The following AK5 variants were observed in gnomAD, a reference collection of about 807,000 sequenced individuals.
AK5 encodes adenylate kinase isoenzyme 5.
Under a neutral mutation model 69.5 loss-of-function variants are expected in AK5, and 27 were observed. The ratio of observed to expected loss-of-function variants is 0.39; its 90% CI spans 0.29 to 0.54. The LOEUF (loss-of-function observed/expected upper bound fraction) is 0.54. Among genes scored for constraint, AK5 ranks in the 20% least tolerant of loss-of-function variants. The pLI is 0.71. For synonymous variants in AK5, 260 were observed against 244.4 expected (o/e 1.06, Z -0.60); for missense variants, 531 against 700.4 (o/e 0.76, Z 2.73).
At chr1:77,555,037 T>C (rs1660029682) in intron 13 of AK5, among the ~76,000 whole-genome samples, 1 of 152,068 alleles carries the variant, frequency 6.6e-6, no homozygotes, top group South Asian at 2.1e-4. Flanking sequence ...TCCCAGCACT[T>C]TGGGAGGCTG....
intron 6 of AK5, among the ~76,000 whole-genome samples, chr1:77,366,677 A>G (rs889618564): frequency 1.3e-5 from 2 of 152,294 alleles, no homozygotes; most frequent in African/African-American, 4.8e-5. Context: ...TCTCCTCTGG[A>G]TGAATGTGTG....
rs1049579687 is a variant in AK5 at position 77,495,709 on chromosome 1, G to T, written c.1147+9357G>T. 5.3e-5 allele frequency among the ~76,000 whole-genome samples: 8 copies of T among 152,282 alleles called. No individual in the cohort carries two copies. In the South Asian group the frequency reaches 8.3e-4, roughly 16 times the overall value. On this transcript the variant is annotated intron_variant, in intron 10 of 13. Coordinates refer to ENST00000354567, the MANE Select transcript of AK5 (RefSeq NM_174858.3). ...TGTTTGAGCGTGTGATGCTGAGTGG[G>T]TCTGAGGGAACCTGGTCATGCTGAG...
rs1474976923 is a variant in AK5 at position 77,410,296 on chromosome 1, G to A, written c.892-685G>A. On this transcript the variant is annotated intron_variant, in intron 6 of 13. Transcript: ENST00000354567. ...TTTGTTGTTGTTGTTGTTGTTTTTG[G>A]AGACAGAGTCTCAGTCTGTCCCCCA... is the stretch of plus-strand genomic sequence containing the variant. Among the ~76,000 whole-genome samples, 5 of 151,612 alleles carry A rather than the reference G, an allele frequency of 3.3e-5. No individual in the cohort carries two copies. The South Asian group carries it at 1.0e-3, about 32-fold the overall frequency.
intron 11 of AK5, among the ~76,000 whole-genome samples, chr1:77,519,852 A>G (rs1657884287): frequency 6.6e-6 from 1 of 152,188 alleles, no homozygotes; most frequent in African/African-American, 2.4e-5. Context: ...CTGCTTTATC[A>G]GCAAGGTCTT....
At chr1:77,398,496 A>C (rs1241621913) in intron 6 of AK5, among the ~76,000 whole-genome samples, 1 of 152,062 alleles carries the variant, frequency 6.6e-6, no homozygotes, top group East Asian at 1.9e-4. Context: ...CAAAGCCTCA[A>C]ATTGCTGGAA....
chr1:77,315,901 T>C (rs1465217182), intron 5 of AK5, among the ~76,000 whole-genome samples: 2 of 151,460 alleles, frequency 1.3e-5, no homozygotes, highest in Admixed American at 1.3e-4. Context: ...GAATCAAACA[T>C]GTCTGATACC....
At chr1:77,306,670 A>G (rs1450463572) in intron 5 of AK5, among the ~76,000 whole-genome samples, 1 of 151,832 alleles carries the variant, frequency 6.6e-6, no homozygotes, top group Non-Finnish European at 1.5e-5. Flanking sequence ...TTTGAATATG[A>G]TTGGTAGTAG....
intron 13 of AK5, among the ~76,000 whole-genome samples, chr1:77,541,843 C>T (rs1659290661): frequency 6.6e-6 from 1 of 152,186 alleles, no homozygotes; most frequent in African/African-American, 2.4e-5. Flanking sequence ...CTCCAGATTC[C>T]TGAGAGAAAT....
At chr1:77,548,463 T>A (rs1173829223) in intron 13 of AK5, among the ~76,000 whole-genome samples, 2 of 152,202 alleles carry the variant, frequency 1.3e-5, no homozygotes. Context: ...CAGTGAGGGA[T>A]CCCTGTGGTG....
intron 7 of AK5, among the ~76,000 whole-genome samples, chr1:77,411,531 C>T (rs1650044277): frequency 6.6e-6 from 1 of 152,128 alleles, no homozygotes; most frequent in East Asian, 1.9e-4. Flanking sequence ...AGTGCTCTTG[C>T]CTGGAATTTT....
intron 10 of AK5, among the ~76,000 whole-genome samples, chr1:77,490,298 C>T (rs1005966206): frequency 6.6e-6 from 1 of 152,128 alleles, no homozygotes; most frequent in Non-Finnish European, 1.5e-5. Context: ...AACTTTTCCC[C>T]TGAGCTGGTG....
intron 10 of AK5, among the ~76,000 whole-genome samples, chr1:77,506,584 C>A (rs1657042150): frequency 6.6e-6 from 1 of 152,084 alleles, no homozygotes; most frequent in South Asian, 2.1e-4. Flanking sequence ...GTTTCAGAGT[C>A]TTGATTAATG....
chr1:77,498,427 G>T (rs909941559), intron 10 of AK5, among the ~76,000 whole-genome samples: 1 of 152,178 alleles, frequency 6.6e-6, no homozygotes, highest in Non-Finnish European at 1.5e-5. Flanking sequence ...TTTAAAACGA[G>T]AGACTCAAGG....
rs141745320 is a variant in AK5, at chr1:77,335,929, T to C, written c.700-4448T>C. On this transcript the variant is annotated intron_variant, in intron 5 of 13. Coordinates refer to ENST00000354567, the MANE Select transcript of AK5 (RefSeq NM_174858.3). The stretch of plus-strand genomic sequence containing the variant: ...CTGCTTCCTGGTTCATAGCGGTCTT[T>C]TCTCTGTGCACTCACATGGTGAAAG... Among the ~76,000 whole-genome samples, 666 of 152,298 alleles carry C rather than the reference T, an allele frequency of 4.4e-3. 6 individuals are homozygous for C. The highest frequency in any genetic ancestry group is 0.016 in the African/African-American group (645 of 41,562).
intron 1 of AK5, among the ~76,000 whole-genome samples, chr1:77,286,634 T>A (rs116187907): frequency 1.3e-5 from 2 of 151,448 alleles, no homozygotes; most frequent in Non-Finnish European, 2.9e-5. Flanking sequence ...ATCGCTTGAG[T>A]TAAGGAGTTC....
At chr1:77,422,628 TC>T (rs1455419915) in intron 8 of AK5, among the ~76,000 whole-genome samples, 4 of 152,094 alleles carry the variant, frequency 2.6e-5, no homozygotes, top group Non-Finnish European at 5.9e-5. Context: ...GGACCAAGCT[TC>T]CCCTCTAGGA....
intron 6 of AK5, among the ~76,000 whole-genome samples, chr1:77,384,303 G>A (rs1570477888): frequency 1.3e-5 from 2 of 152,300 alleles, no homozygotes; most frequent in East Asian, 3.9e-4. Context: ...ATAGTTGAAA[G>A]AATGTAACAA....
At chr1:77,455,889 C>T (rs1402162677) in intron 8 of AK5, among the ~76,000 whole-genome samples, 1 of 152,166 alleles carries the variant, frequency 6.6e-6, no homozygotes, top group Non-Finnish European at 1.5e-5. Flanking sequence ...GCTAGGAAGG[C>T]TGACAGCTGA....
At chr1:77,379,682 C>T (rs1295186265) in intron 6 of AK5, among the ~76,000 whole-genome samples, 1 of 152,132 alleles carries the variant, frequency 6.6e-6, no homozygotes, top group African/African-American at 2.4e-5. Flanking sequence ...TTAAAGAATA[C>T]ACAAGTTTTC....
Sources: allele counts gnomAD v4.1 joint callset (sites outside exome capture counted in the v4.1 genomes callset), GRCh38; gene constraint gnomAD v4.1.1; transcripts MANE v1.5; gene names NCBI Gene and HGNC (gene_info 2026-07-23, HGNC 2026-07-21).